GATB: variants seen among roughly 807,000 people sequenced by gnomAD.
GATB encodes glutamyl-tRNA(Gln) amidotransferase subunit B, mitochondrial.
A neutral mutation model predicts 62.3 loss-of-function variants in GATB; 39 were observed. The observed-to-expected ratio is 0.63, with a 90% confidence interval of 0.48 to 0.82. The LOEUF (loss-of-function observed/expected upper bound fraction) is 0.82. Ranked by LOEUF, GATB falls within the 40% of genes least tolerant of loss-of-function variation. GATB has a pLI of 0.00. For synonymous variants in GATB, 276 were observed against 258.9 expected, an observed-to-expected ratio of 1.07 and a Z score of -0.63; for missense variants, 670 against 684.0, an observed-to-expected ratio of 0.98 and a Z score of 0.23.
rs1421253193 is a variant in GATB, at chr4:151,679,809, A to G, written c.1410+4T>C. 2.5e-6 allele frequency: 4 copies of G among 1,613,062 alleles called. No homozygotes were observed. In the South Asian group the frequency reaches 3.3e-5, roughly 13 times the overall value. On this transcript the variant is annotated splice_donor_region_variant and intron_variant, in intron 11 of 12. Coordinates refer to ENST00000263985, the MANE Select transcript of GATB (RefSeq NM_004564.3). The stretch of plus-strand genomic sequence containing the variant: ...GTCAGAAGCTGTCGGGAGTGTGGAC[A>G]TACCTGTTTAGCTGCTGATGAAGAA...
intron 2 of GATB, among the ~76,000 whole-genome samples, chr4:151,732,070 C>T (rs1389147392): frequency 2.1e-5 from 3 of 145,740 alleles, no homozygotes; most frequent in Non-Finnish European, 3.0e-5. Flanking sequence ...GGTCAGCCCC[C>T]GCCCGGCCAG....
chr4:151,688,880 T>C, intron 9 of GATB, 117 bp from the exon 10 acceptor site: 2 of 937,800 alleles, frequency 2.1e-6, no homozygotes, highest in South Asian at 3.4e-5. Flanking sequence ...CACTTTTTCT[T>C]TGCTAAACCC....
At chr4:151,728,855 A>T (rs1392953885) in intron 2 of GATB, among the ~76,000 whole-genome samples, 1 of 152,158 alleles carries the variant, frequency 6.6e-6, no homozygotes, top group Non-Finnish European at 1.5e-5. Flanking sequence ...AACCAACCAA[A>T]CTCTAAGTAA....
chr4:151,711,866 TG>T (rs2126974984), intron 5 of GATB, among the ~76,000 whole-genome samples: 1 of 152,304 alleles, frequency 6.6e-6, no homozygotes, highest in South Asian at 2.1e-4. Flanking sequence ...GTAAGCAGAC[TG>T]GTTTCTGTCT....
intron 11 of GATB, chr4:151,673,105 G>T (rs1184668754): frequency 1.8e-6 from 1 of 555,332 alleles, no homozygotes; most frequent in Non-Finnish European, 3.2e-6. Context: ...GCAGGGCTGG[G>T]GAACAAGGCC....
intron 11 of GATB, chr4:151,674,502 G>A (rs894114486): frequency 2.0e-5 from 3 of 152,080 alleles, no homozygotes; most frequent in Non-Finnish European, 4.4e-5. Flanking sequence ...GGAAATACAG[G>A]AGAGATCAAA....
At chr4:151,717,310 G>A (rs929901154) in intron 3 of GATB, 13 of 533,648 alleles carry the variant, frequency 2.4e-5, no homozygotes, top group Non-Finnish European at 3.4e-5. Flanking sequence ...CCCTGATAAC[G>A]ATGCAATAAA....
intron 7 of GATB, 131 bp downstream of exon 7, chr4:151,705,054 T>C: frequency 4.8e-6 from 3 of 630,210 alleles, no homozygotes; most frequent in Middle Eastern, 2.8e-4. Flanking sequence ...TTTCTAATTG[T>C]ACTAATGAGG....
Position 151,701,444 on chromosome 4 carries a change from T to C in GATB, c.1082A>G (p.Gln361Arg). ...AATCTGGTCAATATTGATCACTTGC[T>C]GTGGGTCTGCACCTGCGGGCAGAGA... Reference protein sequence around the residue: ...ATSLPAGADPQQVINIDQIRE... With the variant: ...ATSLPAGADPRQVINIDQIRE... The change falls in exon 9 of 13, where the codon CAG (glutamine) becomes CGG (arginine). Residue 361 changes from glutamine to arginine, a missense_variant. Coordinates refer to ENST00000263985, the MANE Select transcript of GATB (RefSeq NM_004564.3). 6.2e-7 allele frequency: 1 copy of C among 1,603,810 alleles called. No individual in the cohort carries two copies. Among genetic ancestry groups the C allele is most frequent in the Non-Finnish European group, 8.5e-7 (1 of 1,174,912 alleles).
rs796691100 is a variant in GATB, at chr4:151,716,753, A to G, written c.640+123T>C. 37 of 811,482 alleles carry G rather than the reference A, an allele frequency of 4.6e-5. No individual in the cohort carries two copies. In the African/African-American group the frequency reaches 6.0e-4, roughly 13 times the overall value. 50.3% of individuals were successfully genotyped at this position (811,482 alleles called of 1,614,324 possible). A position where few individuals can be genotyped will look rare whatever the true frequency, so the allele number is the denominator to read the frequency against. On this transcript the variant is annotated intron_variant, in intron 4 of 12. Transcript: ENST00000263985. ...TCCCAATGCTGATATTTTAGTCTCC[A>G]TCTATCAGGCTCCTGTGACTGCTTT... is the stretch of plus-strand genomic sequence containing the variant.
intron 9 of GATB, among the ~76,000 whole-genome samples, chr4:151,693,337 C>T (rs10025109): frequency 0.015 from 2,277 of 152,140 alleles, 58 homozygotes; most frequent in African/African-American, 0.051. Flanking sequence ...GGTGGGTTCA[C>T]GGGAATCGGT....
Position 151,760,878 on chromosome 4 carries a change from T to C in GATB, c.105A>G (p.Thr35=). The change falls in exon 1 of 13, where the codon ACA becomes ACG. Residue 35 remains threonine (T), a synonymous_variant. Coordinates refer to ENST00000263985, the MANE Select transcript of GATB (RefSeq NM_004564.3). ...AGCTCTCTCCCCTAATCTGGTTGGATGTGGACCCAGTCGGAGCCCCTCTTC... is the reference window on the plus strand; with the variant it reads ...AGCTCTCTCCCCTAATCTGGTTGGACGTGGACCCAGTCGGAGCCCCTCTTC... ...CHRRGAPTGS[T]SNQIRGESSV... 1 of 1,614,084 alleles carries C rather than the reference T, an allele frequency of 6.2e-7. No homozygotes were observed.
intron 2 of GATB, among the ~76,000 whole-genome samples, chr4:151,734,526 CA>C (rs1739330275): frequency 6.6e-6 from 1 of 152,052 alleles, no homozygotes; most frequent in South Asian, 2.1e-4. Context: ...GTGCCAAAAG[CA>C]ATCTAAAAAG....
chr4:151,719,660 C>A, intron 2 of GATB, 122 bp from the exon 3 acceptor site: 2 of 577,808 alleles, frequency 3.5e-6, no homozygotes, highest in East Asian at 3.4e-5. Context: ...CTCTGGTTCT[C>A]TGGGTGGGCA....
At chr4:151,673,650 C>T (rs1737929148) in intron 11 of GATB, 1 of 151,986 alleles carries the variant, frequency 6.6e-6, no homozygotes, top group African/African-American at 2.4e-5. Context: ...ATGACAACAA[C>T]AAATCCCCAA....
chr4:151,677,452 G>A (rs1216904937), intron 11 of GATB: 2 of 150,094 alleles, frequency 1.3e-5, no homozygotes, highest in Admixed American at 6.6e-5. Context: ...AAGATGGTGC[G>A]GCCATTTTAG....
At chr4:151,693,439 C>T (rs113713913) in intron 9 of GATB, among the ~76,000 whole-genome samples, 12 of 152,256 alleles carry the variant, frequency 7.9e-5, no homozygotes, top group African/African-American at 2.6e-4. Flanking sequence ...TTGAGAGAGG[C>T]CTCGTCAGTG....
Position 151,758,797 on chromosome 4 carries a change from T to C in GATB, c.302A>G (p.Asp101Gly), listed in dbSNP as rs1159280871. 1.2e-6 allele frequency: 2 copies of C among 1,603,054 alleles called. No individual in the cohort carries two copies. Among genetic ancestry groups the C allele is most frequent in the South Asian group, 1.1e-5 (1 of 88,188 alleles). ...CGGCAAAGTTCCAGGTAGAGATGCA[T>C]CAAAAAAAGAAACCAAAGAATTTGG... ...APPNSLVSFF[D>G]ASLPGTLPVL... The change falls in exon 2 of 13, where the codon GAT (aspartate) becomes GGT (glycine). Residue 101 changes from aspartate to glycine, a missense_variant. By Grantham distance (94) the Asp-to-Gly change is moderately conservative (BLOSUM62 -1). Transcript: ENST00000263985.
chr4:151,715,293 G>A (rs1738892113), intron 5 of GATB, among the ~76,000 whole-genome samples: 2 of 152,202 alleles, frequency 1.3e-5, no homozygotes, highest in Admixed American at 6.5e-5. Context: ...TAGGAACAGA[G>A]AACAGGAGAA....
Sources: allele counts gnomAD v4.1 joint callset (sites outside exome capture counted in the v4.1 genomes callset), GRCh38; gene constraint gnomAD v4.1.1; transcripts MANE v1.5; gene names NCBI Gene and HGNC (gene_info 2026-07-23, HGNC 2026-07-21).